Variants in CACNB3 observed in about 807,000 individuals in gnomAD.
CACNB3 encodes calcium voltage-gated channel auxiliary subunit beta 3.
A neutral mutation model predicts 63.7 loss-of-function variants in CACNB3; 36 were observed. That is an observed-to-expected ratio of 0.57 (90% CI 0.43 to 0.75). The LOEUF (loss-of-function observed/expected upper bound fraction) is 0.75, where lower values mean the gene tolerates loss of function less well. Ranked by LOEUF, CACNB3 falls within the 30% of genes least tolerant of loss-of-function variation. CACNB3 has a pLI of 0.00. For synonymous variants in CACNB3, 241 were observed against 250.6 expected (o/e 0.96, Z 0.36); for missense variants, 493 against 648.6 (o/e 0.76, Z 2.61).
At position 48,828,611 on chromosome 12, in the gene CACNB3, T is replaced by C. The variant is rs1463147364; in HGVS notation, c.*712T>C. 1 of 452,902 alleles carries C rather than the reference T, an allele frequency of 2.2e-6. No individual in the cohort carries two copies. The highest frequency in any genetic ancestry group is 2.0e-5 in the African/African-American group (1 of 49,998). 28.1% of individuals were successfully genotyped at this position (452,902 alleles called of 1,614,324 possible). A position where few individuals can be genotyped will look rare whatever the true frequency, so the allele number is the denominator to read the frequency against. On this transcript the variant is annotated 3_prime_UTR_variant, in exon 13 of 13. Coordinates refer to ENST00000301050, the MANE Select transcript of CACNB3 (RefSeq NM_000725.4). ...GAGCATGGTGAAGCCAAGTGGCAGA[T>C]GGGAGCCAACCTGGATGGGGGTTTG... is the stretch of plus-strand genomic sequence containing the variant.
Position 48,826,958 on chromosome 12 carries a change from T to C in CACNB3, c.991-16T>C. On this transcript the variant is annotated splice_polypyrimidine_tract_variant and intron_variant, in intron 11 of 12. Coordinates refer to ENST00000301050, the MANE Select transcript of CACNB3 (RefSeq NM_000725.4). The surrounding 1 kb of genome is among the most constrained non-coding windows in gnomAD (Gnocchi z 4.8). The stretch of plus-strand genomic sequence containing the variant: ...CTGAGGGGAAACCAACGTTGCGCCT[T>C]CCTCCCCCTCCCCAGGAGTCATTTG... The C allele has an allele frequency of 6.2e-7, 1 of 1,613,680 alleles. No homozygotes were observed. The highest frequency in any genetic ancestry group is 8.5e-7 in the Non-Finnish European group (1 of 1,179,810).
Position 48,823,956 on chromosome 12 carries a change from T to TCTCA in CACNB3, c.291+154_291+157dup. 1.0e-6 allele frequency: 1 copy of TCTCA among 979,136 alleles called. No individual in the cohort carries two copies. The highest frequency in any genetic ancestry group is 1.6e-5 in the African/African-American group (1 of 61,132). The allele number at this position is 979,136 out of a possible 1,614,324, so 60.7% of individuals were successfully genotyped here. A position where few individuals can be genotyped will look rare whatever the true frequency, so the allele number is the denominator to read the frequency against. On this transcript the variant is annotated intron_variant, in intron 3 of 12. Coordinates refer to ENST00000301050, the MANE Select transcript of CACNB3 (RefSeq NM_000725.4). This position sits in a 1 kb window ranked among gnomAD's most constrained non-coding sequence, Gnocchi z 4.2. Reference sequence around the variant, plus strand: ...ACCTGTCCACCCCTCATATCTAAGATCTCATCCCCAGGGTCTCCATCCTTC... The same window carrying TCTCA: ...ACCTGTCCACCCCTCATATCTAAGATCTCACTCATCCCCAGGGTCTCCATCCTTC...
chr12:48,827,067 C>T lies in CACNB3; in HGVS notation c.1084C>T (p.His362Tyr). 3 of 1,613,518 alleles carry T rather than the reference C, an allele frequency of 1.9e-6. No individual in the cohort carries two copies. Among genetic ancestry groups the T allele is most frequent in the Non-Finnish European group, 1.7e-6 (2 of 1,180,032 alleles). Residue 362 changes from histidine to tyrosine, a missense_variant, in exon 12 of 13, where the codon CAC becomes TAC. Transcript: ENST00000301050. ...GGAGGTTTACTGGCGGGCCACGCAC[C>T]ACCCAGCCCCTGGCCCCGGACTTCT... ...YLEVYWRATHHPAPGPGLLGP... is the reference protein window; with the variant it reads ...YLEVYWRATHYPAPGPGLLGP...
At position 48,823,630 on chromosome 12, in the gene CACNB3, A is replaced by C; in HGVS notation, c.169-51A>C. 6.2e-7 allele frequency: 1 copy of C among 1,613,570 alleles called. No individual in the cohort carries two copies. The highest frequency in any genetic ancestry group is 8.5e-7 in the Non-Finnish European group (1 of 1,179,750). ...TCTGCTGTTGGGGCACTGAAGCTGG[A>C]AGGGGTGCTTCGAGCCTTCTCTCAC... On this transcript the variant is annotated intron_variant, in intron 2 of 12. Transcript: ENST00000301050. The surrounding 1 kb of genome is among the most constrained non-coding windows in gnomAD (Gnocchi z 4.2).
At chr12:48,814,605 AC>A, upstream of CACNB3, 2 of 1,477,966 alleles carry the variant, frequency 1.4e-6, no homozygotes, top group Non-Finnish European at 1.8e-6. This position sits in a 1 kb window ranked among gnomAD's most constrained non-coding sequence, Gnocchi z 6.9. Flanking sequence ...AAGGAGCCCC[AC>A]GGGGTGGGAA....
rs1199025697 is a variant in CACNB3 at position 48,828,630 on chromosome 12, G to T, written c.*731G>T. On this transcript the variant is annotated 3_prime_UTR_variant, in exon 13 of 13. Coordinates refer to ENST00000301050, the MANE Select transcript of CACNB3 (RefSeq NM_000725.4). ...GGCAGATGGGAGCCAACCTGGATGGGGGTTTGGGGAAGGAGGGCATGTGTA... is the reference window on the plus strand; with the variant it reads ...GGCAGATGGGAGCCAACCTGGATGGTGGTTTGGGGAAGGAGGGCATGTGTA... 1 of 455,810 alleles carries T rather than the reference G, an allele frequency of 2.2e-6. No homozygotes were observed. Among genetic ancestry groups the T allele is most frequent in the Non-Finnish European group, 4.4e-6 (1 of 226,482 alleles). The allele number at this position is 455,810 out of a possible 1,614,324, so 28.2% of individuals were successfully genotyped here.
Position 48,824,659 on chromosome 12 carries a change from T to G in CACNB3, c.408-10T>G, listed in dbSNP as rs1030747861. 2 of 1,612,576 alleles carry G rather than the reference T, an allele frequency of 1.2e-6. No homozygotes were observed. Among genetic ancestry groups the G allele is most frequent in the Non-Finnish European group, 1.7e-6 (2 of 1,178,852 alleles). ...TTCTCTCTCTCTCTTTCACCTCCCTTTCTTCTCAGGAGATCTGGGAACCCT... is the reference window on the plus strand; with the variant it reads ...TTCTCTCTCTCTCTTTCACCTCCCTGTCTTCTCAGGAGATCTGGGAACCCT... On this transcript the variant is annotated splice_polypyrimidine_tract_variant and intron_variant, in intron 4 of 12. Transcript: ENST00000301050.
Position 48,818,959 on chromosome 12 carries a change from T to A in CACNB3, c.30T>A (p.Phe10Leu). Residue 10 changes from phenylalanine (F) to leucine (L), a missense_variant, in exon 1 of 13, where the codon TTT becomes TTA. Phe to Leu is a conservative substitution (Grantham distance 22, BLOSUM62 0). Transcript: ENST00000301050. The surrounding 1 kb of genome is among the most constrained non-coding windows in gnomAD (Gnocchi z 4.3). The stretch of plus-strand genomic sequence containing the variant: ...ATGACGACTCCTACGTGCCCGGGTT[T>A]GAGGACTCGGAGGCGGTGAGTGCCC... MYDDSYVPG[F>L]EDSEAGSADS... 6.2e-7 allele frequency: 1 copy of A among 1,604,316 alleles called. No homozygotes were observed. Among genetic ancestry groups the A allele is most frequent in the Non-Finnish European group, 8.5e-7 (1 of 1,175,864 alleles).
At chr12:48,815,311 G>A (rs945446256), upstream of CACNB3, 1 of 323,102 alleles carries the variant, frequency 3.1e-6, no homozygotes, top group South Asian at 3.0e-5. Flanking sequence ...AGGACTTTAG[G>A]GAAGAAGCAG....
Position 48,823,756 on chromosome 12 carries a change from G to A in CACNB3, c.244G>A (p.Gly82Ser). ...GVLDEECPVQ[G>S]SGVNFEAKDF... The stretch of plus-strand genomic sequence containing the variant: ...ACTGGATGAGGAGTGCCCAGTCCAG[G>A]GCTCTGGAGTCAACTTTGAGGCCAA... The change falls in exon 3 of 13, where the codon GGC becomes AGC. Residue 82 changes from glycine to serine, a missense_variant. By Grantham distance (56) the Gly-to-Ser change is moderately conservative (BLOSUM62 0). Transcript: ENST00000301050. This position sits in a 1 kb window ranked among gnomAD's most constrained non-coding sequence, Gnocchi z 4.2. 2 of 1,614,110 alleles carry A rather than the reference G, an allele frequency of 1.2e-6. No individual in the cohort carries two copies. Among genetic ancestry groups the A allele is most frequent in the Non-Finnish European group, 1.7e-6 (2 of 1,180,004 alleles).
upstream of CACNB3, chr12:48,815,509 A>G: frequency 7.2e-7 from 1 of 1,396,840 alleles, no homozygotes; most frequent in Non-Finnish European, 9.5e-7. Context: ...GGGAGGGAGG[A>G]GGGAGGAGAA....
chr12:48,816,786 GGA>G (rs1942297886), upstream of CACNB3: 1 of 943,978 alleles, frequency 1.1e-6, no homozygotes, highest in Non-Finnish European at 1.3e-6. Context: ...TTCTGTGGGT[GGA>G]GAGAGTCCCA....
rs752695901 is a variant in CACNB3 at position 48,827,865 on chromosome 12, A to C, written c.1421A>C (p.Gln474Pro). 6.2e-7 allele frequency: 1 copy of C among 1,613,998 alleles called. No individual in the cohort carries two copies. The highest frequency in any genetic ancestry group is 8.5e-7 in the Non-Finnish European group (1 of 1,179,956). Residue 474 changes from glutamine to proline, a missense_variant, in exon 13 of 13, where the codon CAG (glutamine) becomes CCG (proline). Gln to Pro is a moderately conservative substitution (Grantham distance 76). Transcript: ENST00000301050. Reference protein sequence around the residue: ...SEHNHSDRNWQRNRPWPKDSY With the variant: ...SEHNHSDRNWPRNRPWPKDSY ...CACAACCACAGTGACCGGAACTGGC[A>C]GCGCAACCGGCCTTGGCCCAAGGAT...
chr12:48,825,066 G>C lies in CACNB3; in HGVS notation c.493-97G>C, dbSNP rs1938055628. 5 of 1,580,546 alleles carry C rather than the reference G, an allele frequency of 3.2e-6. No homozygotes were observed. The highest frequency in any genetic ancestry group is 4.3e-6 in the Non-Finnish European group (5 of 1,149,780). ...TTGTTGGAGGGCAGAACAGAGAGGG[G>C]AGGGAGCCCAGAACCTCTGGATCTG... On this transcript the variant is annotated intron_variant, in intron 6 of 12. Transcript: ENST00000301050. The surrounding 1 kb of genome is among the most constrained non-coding windows in gnomAD (Gnocchi z 4.5).
At position 48,823,150 on chromosome 12, in the gene CACNB3, T is replaced by C. The variant is rs1345212541; in HGVS notation, c.46-194T>C. Among the ~76,000 whole-genome samples the C allele has an allele frequency of 1.3e-5, 2 of 152,142 alleles. No homozygotes were observed. The highest frequency in any genetic ancestry group is 2.4e-5 in the African/African-American group (1 of 41,438). On this transcript the variant is annotated intron_variant, in intron 1 of 12. Coordinates refer to ENST00000301050, the MANE Select transcript of CACNB3 (RefSeq NM_000725.4). This position sits in a 1 kb window ranked among gnomAD's most constrained non-coding sequence, Gnocchi z 4.2. ...GGGCCCAGATCTTTGCACCTATGGATTGGGCCAGCTTTCCTGTAGCCTCAG... is the reference window on the plus strand; with the variant it reads ...GGGCCCAGATCTTTGCACCTATGGACTGGGCCAGCTTTCCTGTAGCCTCAG...
rs1361143668 is a variant in CACNB3 at position 48,824,968 on chromosome 12, G to C, written c.492G>C (p.Gln164His). The C allele has an allele frequency of 1.9e-6, 3 of 1,613,516 alleles. No individual in the cohort carries two copies. Among genetic ancestry groups the C allele is most frequent in the Non-Finnish European group, 2.5e-6 (3 of 1,179,922 alleles). Residue 164 changes from glutamine (Q) to histidine (H), a missense_variant and splice_region_variant, in exon 6 of 13, where the codon CAG (glutamine) becomes CAC (histidine). Coordinates refer to ENST00000301050, the MANE Select transcript of CACNB3 (RefSeq NM_000725.4). The part of the protein sequence containing the change: ...PPSLAKQKQK[Q>H]AEHVPPYDVV... ...AAAAAGCCAAGCAGAAGCAAAAGCA[G>C]GTGAGTCAAGGAAGGGACCTGGGCT... is the stretch of plus-strand genomic sequence containing the variant.
Position 48,825,411 on chromosome 12 carries a change from A to C in CACNB3, c.574-23A>C, listed in dbSNP as rs1185284376. On this transcript the variant is annotated intron_variant, in intron 7 of 12. Transcript: ENST00000301050. This position sits in a 1 kb window ranked among gnomAD's most constrained non-coding sequence, Gnocchi z 4.5. ...CTGCTTCTCTCCAAAGGGGCCCTTC[A>C]TCAGTGCCATGCCTTCCCCCAGGTC... 5.6e-6 allele frequency: 9 copies of C among 1,613,564 alleles called. No homozygotes were observed. Among genetic ancestry groups the C allele is most frequent in the African/African-American group, 4.0e-5 (3 of 75,016 alleles).
Position 48,825,191 on chromosome 12 carries a change from T to TGCG in CACNB3, c.523_524insGGC (p.Val174_Pro175insArg). 1 of 1,614,118 alleles carries TGCG rather than the reference T, an allele frequency of 6.2e-7. No individual in the cohort carries two copies. Among genetic ancestry groups the TGCG allele is most frequent in the Non-Finnish European group, 8.5e-7 (1 of 1,180,016 alleles). ...GAACATGTTCCCCCATATGACGTGG[T>TGCG]GCCCTCCATGCGGCCTGTGGTGCTG... is the stretch of plus-strand genomic sequence containing the variant. On this transcript the variant is annotated inframe_insertion, in exon 7 of 13. Coordinates refer to ENST00000301050, the MANE Select transcript of CACNB3 (RefSeq NM_000725.4). The surrounding 1 kb of genome is among the most constrained non-coding windows in gnomAD (Gnocchi z 4.5).
chr12:48,827,710 C>T lies in CACNB3; in HGVS notation c.1266C>T (p.Ser422=), dbSNP rs541196388. The T allele has an allele frequency of 1.9e-6, 3 of 1,614,114 alleles. No homozygotes were observed. Among genetic ancestry groups the T allele is most frequent in the South Asian group, 2.2e-5 (2 of 91,084 alleles). Residue 422 remains serine, a synonymous_variant, in exon 13 of 13, where the codon TCC becomes TCT. Transcript: ENST00000301050. Reference sequence around the variant, plus strand: ...GGACAGGATCTTCACAGCGTAGCTCCCGCCACCTGGAGGAGGACTATGCAG... The same window carrying T: ...GGACAGGATCTTCACAGCGTAGCTCTCGCCACCTGGAGGAGGACTATGCAG... The part of the protein sequence containing the change: ...QAWTGSSQRS[S]RHLEEDYADA...
Sources: gnomAD v4.1 joint callset for allele counts (sites outside exome capture counted in the v4.1 genomes callset) on GRCh38, gnomAD v4.1.1 for gene constraint, Gnocchi (gnomAD v3.1) non-coding constraint, MANE v1.5 for transcripts, NCBI Gene and HGNC (gene_info 2026-07-23, HGNC 2026-07-21) for gene names.